Variants in NCKAP5 observed in about 807,000 individuals in gnomAD.
NCKAP5 encodes NCK associated protein 5.
A neutral mutation model predicts 167.0 loss-of-function variants in NCKAP5; 92 were observed. That is an observed-to-expected ratio of 0.55 (90% CI 0.47 to 0.66). The LOEUF (loss-of-function observed/expected upper bound fraction) is 0.66. Among genes scored for constraint, NCKAP5 ranks in the 30% least tolerant of loss-of-function variants. The probability of loss-of-function intolerance (pLI) is 0.00; values close to 1 mark genes in which losing one functional copy is unlikely to be tolerated. For missense variants in NCKAP5, 2,378 were observed against 2,315.0 expected (o/e 1.03, Z -0.56); for synonymous variants, 891 against 877.4 (o/e 1.02, Z -0.27).
chr2:132,782,258 G>A lies in NCKAP5; in HGVS notation c.4553C>T (p.Pro1518Leu). Reference protein sequence around the residue: ...SWFGFRKSRLPALSSRKMDIS... With the variant: ...SWFGFRKSRLLALSSRKMDIS... ...GTCCATTTTCCTGCTACTCAGAGCT[G>A]GAAGTCTACTCTTCCGAAAACCAAA... The change falls in exon 14 of 20, where the codon CCA (proline) becomes CTA (leucine). Residue 1518 changes from proline (P) to leucine (L), a missense_variant. Transcript: ENST00000409261. 1 of 1,613,998 alleles carries A rather than the reference G, an allele frequency of 6.2e-7. No individual in the cohort carries two copies. Among genetic ancestry groups the A allele is most frequent in the South Asian group, 1.1e-5 (1 of 91,084 alleles).
chr2:132,963,941 G>T lies in NCKAP5; in HGVS notation c.430-72C>A. The T allele has an allele frequency of 1.9e-6, 3 of 1,545,268 alleles. No individual in the cohort carries two copies. The Admixed American group carries it at 5.2e-5, about 27-fold the overall frequency. On this transcript the variant is annotated intron_variant, in intron 7 of 19. Coordinates refer to ENST00000409261, the MANE Select transcript of NCKAP5 (RefSeq NM_207363.3). ...TAAGCATGAGTGTGAGGCTGAAAAG[G>T]CTGGAATCATTCTCCTGCGTGTGCA...
intron 8 of NCKAP5, among the ~76,000 whole-genome samples, chr2:132,888,931 T>C (rs930694603): frequency 1.3e-5 from 2 of 152,216 alleles, no homozygotes; most frequent in Non-Finnish European, 1.5e-5. Context: ...ACTGACTTGA[T>C]TGACCAATGG....
chr2:132,965,648 G>C (rs971647657), intron 7 of NCKAP5, among the ~76,000 whole-genome samples: 1 of 151,990 alleles, frequency 6.6e-6, no homozygotes, highest in South Asian at 2.1e-4. Context: ...TTCCTTAGGA[G>C]ATTTCATCAT....
the NCKAP5 span, among the ~76,000 whole-genome samples, chr2:133,611,239 A>G: frequency 6.6e-6 from 1 of 152,044 alleles, no homozygotes; most frequent in Non-Finnish European, 1.5e-5. Context: ...CATCTCTCAG[A>G]GACCACCCCC....
At chr2:133,637,161 T>C in the NCKAP5 span, among the ~76,000 whole-genome samples, 1 of 151,946 alleles carries the variant, frequency 6.6e-6, no homozygotes, top group Non-Finnish European at 1.5e-5. Flanking sequence ...TCAAACCTAC[T>C]TTCCCGCACT....
intron 2 of NCKAP5, among the ~76,000 whole-genome samples, chr2:133,529,996 A>T (rs1336092282): frequency 6.6e-6 from 1 of 152,170 alleles, no homozygotes; most frequent in East Asian, 1.9e-4. Context: ...AGAATGTTAT[A>T]ATTAATTTGC....
At chr2:133,536,626 A>G (rs1685785651) in intron 2 of NCKAP5, among the ~76,000 whole-genome samples, 1 of 151,988 alleles carries the variant, frequency 6.6e-6, no homozygotes, top group Admixed American at 6.5e-5. Context: ...CCAAATATCA[A>G]TTCAGATTTT....
chr2:132,849,024 A>C (rs1688883206), intron 11 of NCKAP5, among the ~76,000 whole-genome samples: 1 of 152,340 alleles, frequency 6.6e-6, no homozygotes, highest in Middle Eastern at 3.4e-3. Flanking sequence ...AATGTGAATG[A>C]ATAAAGGGTA....
chr2:132,759,490 T>A (rs1461516219), intron 16 of NCKAP5, among the ~76,000 whole-genome samples: 1 of 152,160 alleles, frequency 6.6e-6, no homozygotes, highest in African/African-American at 2.4e-5. Context: ...TTAATACTTG[T>A]ATGACACTCC....
At chr2:133,510,870 C>T (rs748842533) in intron 3 of NCKAP5, among the ~76,000 whole-genome samples, 35 of 152,216 alleles carry the variant, frequency 2.3e-4, no homozygotes, top group Admixed American at 5.9e-4. Flanking sequence ...TGTTAAGCTT[C>T]AGATTTCTCA....
chr2:133,497,754 G>A (rs768397806), intron 3 of NCKAP5, among the ~76,000 whole-genome samples: 14 of 152,144 alleles, frequency 9.2e-5, no homozygotes, highest in East Asian at 3.9e-4. Context: ...CAATTTCAGC[G>A]TTCTCAAATT....
chr2:132,729,563 G>A (rs1041469026), intron 17 of NCKAP5, among the ~76,000 whole-genome samples: 11 of 152,194 alleles, frequency 7.2e-5, no homozygotes, highest in African/African-American at 2.7e-4. Flanking sequence ...TGCTGATTCA[G>A]TAGGTATGGG....
At chr2:133,120,494 GCTGCCT>G (rs2082216671) in intron 6 of NCKAP5, among the ~76,000 whole-genome samples, 1 of 152,160 alleles carries the variant, frequency 6.6e-6, no homozygotes, top group Non-Finnish European at 1.5e-5. Context: ...TACTGGGACT[GCTGCCT>G]CTGCCTCTGC....
intron 4 of NCKAP5, among the ~76,000 whole-genome samples, chr2:133,221,625 G>T (rs545070837): frequency 1.1e-4 from 17 of 152,150 alleles, no homozygotes; most frequent in Non-Finnish European, 2.1e-4. Flanking sequence ...GTCATAAGAC[G>T]CAGTAAGTAC....
intron 2 of NCKAP5, among the ~76,000 whole-genome samples, chr2:133,550,401 G>A (rs1026407662): frequency 6.6e-6 from 1 of 151,636 alleles, no homozygotes; most frequent in African/African-American, 2.4e-5. Flanking sequence ...TATCCAACAT[G>A]ATCAAGTGGG....
At chr2:133,491,746 G>A (rs1681464717) in intron 3 of NCKAP5, among the ~76,000 whole-genome samples, 1 of 152,102 alleles carries the variant, frequency 6.6e-6, no homozygotes, top group South Asian at 2.1e-4. Context: ...GCCATAAGAT[G>A]ACCAAAGTGA....
chr2:133,478,582 G>T (rs1680150907), intron 3 of NCKAP5, among the ~76,000 whole-genome samples: 1 of 152,156 alleles, frequency 6.6e-6, no homozygotes, highest in African/African-American at 2.4e-5. Context: ...AGGGCACTTT[G>T]TAAACAGCCA....
intron 3 of NCKAP5, among the ~76,000 whole-genome samples, chr2:133,332,085 G>C (rs1174059146): frequency 2.0e-5 from 3 of 152,178 alleles, no homozygotes; most frequent in Admixed American, 1.3e-4. Flanking sequence ...ATGAGAAAAA[G>C]TGTGCCCTCA....
At chr2:133,461,611 T>G (rs2151234643) in intron 3 of NCKAP5, among the ~76,000 whole-genome samples, 1 of 152,280 alleles carries the variant, frequency 6.6e-6, no homozygotes, top group East Asian at 1.9e-4. Flanking sequence ...TGTGTGTGGT[T>G]AAAGCTAGGT....
Sources: allele counts gnomAD v4.1 joint callset (sites outside exome capture counted in the v4.1 genomes callset), GRCh38; gene constraint gnomAD v4.1.1; transcripts MANE v1.5; gene names NCBI Gene and HGNC (gene_info 2026-07-23, HGNC 2026-07-21).